ADAMTS9: variants seen among roughly 807,000 people sequenced by gnomAD.
ADAMTS9 encodes the protein A disintegrin and metalloproteinase with thrombospondin motifs 9.
ADAMTS9 carries 107 observed loss-of-function variants against 257.1 expected under a neutral mutation model. That is an observed-to-expected ratio of 0.42 (90% CI 0.36 to 0.49). The LOEUF (loss-of-function observed/expected upper bound fraction) is 0.49, where lower values mean the gene tolerates loss of function less well. ADAMTS9 is among the 20% of genes least tolerant of loss of function. The pLI is 0.03. For missense variants in ADAMTS9, 2,353 were observed against 2,469.1 expected (o/e 0.95, Z 1.00); for synonymous variants, 982 against 880.9 (o/e 1.11, Z -2.03).
intron 16 of ADAMTS9, among the ~76,000 whole-genome samples, chr3:64,624,254 G>T (rs1157215774): frequency 6.7e-6 from 1 of 148,428 alleles, no homozygotes; most frequent in Non-Finnish European, 1.5e-5. Flanking sequence ...AGAGAAAGAA[G>T]AAAGAAAGGA....
intron 20 of ADAMTS9, 74 bp downstream of exon 20, chr3:64,615,886 A>G: frequency 6.4e-7 from 1 of 1,560,990 alleles, no homozygotes; most frequent in Non-Finnish European, 8.8e-7. Context: ...AATGGGGCTT[A>G]CACACCTGCA....
At chr3:64,651,548 T>C (rs1700931829) in intron 8 of ADAMTS9, among the ~76,000 whole-genome samples, 1 of 152,174 alleles carries the variant, frequency 6.6e-6, no homozygotes, top group Non-Finnish European at 1.5e-5. Context: ...TGGCAGCTTA[T>C]GATAACGTGA....
intron 3 of ADAMTS9, among the ~76,000 whole-genome samples, chr3:64,668,555 A>G (rs1347153689): frequency 2.0e-5 from 3 of 152,174 alleles, no homozygotes; most frequent in Admixed American, 6.5e-5. Flanking sequence ...CTCATCTGTG[A>G]AAAGGGAATA....
rs527769848 is a variant in ADAMTS9, at chr3:64,594,322, C to T, written c.4292G>A (p.Arg1431His). The T allele has an allele frequency of 2.7e-5, 44 of 1,613,202 alleles. No individual in the cohort carries two copies. The highest frequency in any genetic ancestry group is 2.5e-4 in the South Asian group (23 of 91,036). ...ACAAGCATGTGTGTTACACTGCTCA[C>T]GATCGGGAGGTTTATCAAGAATTTC... ...SCEILDKPPD[R>H]EQCNTHACPH... The change falls in exon 28 of 40, where the codon CGT becomes CAT. Residue 1431 changes from arginine to histidine, a missense_variant. Physicochemically the swap from Arg to His is conservative, Grantham distance 29 (BLOSUM62 0). Around this residue, in one of 3 missense-constraint regions of ADAMTS9, gnomAD observed 1,402 missense variants for 1,441.4 expected, o/e 0.97. Transcript: ENST00000498707.
At position 64,533,241 on chromosome 3, in the gene ADAMTS9, G is replaced by T. The variant is rs774657324; in HGVS notation, c.5643C>A (p.Thr1881=). ...TGGCAGATTCAGTTAAAGACAAGCC[G>T]GTTCCATAAAGGTTGATGCTAAAAC... ...QGRFSINLYG[T]GLSLTESARW... Residue 1881 remains threonine, a synonymous_variant, in exon 38 of 40, where the codon ACC becomes ACA. Transcript: ENST00000498707. 2 of 1,614,024 alleles carry T rather than the reference G, an allele frequency of 1.2e-6. No homozygotes were observed. The highest frequency in any genetic ancestry group is 1.7e-6 in the Non-Finnish European group (2 of 1,179,974).
intron 28 of ADAMTS9, among the ~76,000 whole-genome samples, chr3:64,584,332 A>G (rs1013879608): frequency 3.9e-5 from 6 of 152,252 alleles, no homozygotes; most frequent in Admixed American, 6.5e-5. Context: ...CACCATTCTC[A>G]GAGGCCTTTC....
chr3:64,603,090 T>C (rs983300035), intron 25 of ADAMTS9, among the ~76,000 whole-genome samples: 1 of 152,204 alleles, frequency 6.6e-6, no homozygotes, highest in African/African-American at 2.4e-5. Flanking sequence ...GCTAAGCATT[T>C]GACGTACATA....
intron 30 of ADAMTS9, 165 bp downstream of exon 30, chr3:64,561,413 C>T: frequency 3.2e-6 from 2 of 633,860 alleles, no homozygotes; most frequent in East Asian, 6.2e-5. Flanking sequence ...GTTCTCCCAC[C>T]CTTGTTGGAG....
chr3:64,545,540 T>C (rs1180801170), intron 32 of ADAMTS9, among the ~76,000 whole-genome samples: 1 of 152,052 alleles, frequency 6.6e-6, no homozygotes, highest in Non-Finnish European at 1.5e-5. Flanking sequence ...TTCTCACTCA[T>C]AGGTGGGAAC....
intron 38 of ADAMTS9, among the ~76,000 whole-genome samples, chr3:64,531,926 G>T (rs901630245): frequency 3.3e-5 from 5 of 152,144 alleles, no homozygotes; most frequent in African/African-American, 1.2e-4. Flanking sequence ...TCTGCCCCAC[G>T]TTCTCAGGAC....
At chr3:64,658,095 T>C (rs985782561) in intron 4 of ADAMTS9, among the ~76,000 whole-genome samples, 4 of 152,042 alleles carry the variant, frequency 2.6e-5, no homozygotes, top group East Asian at 1.9e-4. Context: ...GCAAAAAGCA[T>C]TGGTTTTCGG....
Position 64,681,115 on chromosome 3 carries a change from A to T in ADAMTS9, c.679+86T>A. The T allele has an allele frequency of 2.7e-6, 4 of 1,454,554 alleles. No individual in the cohort carries two copies. The South Asian group carries it at 4.2e-5, about 15-fold the overall frequency. The allele number at this position is 1,454,554 out of a possible 1,614,324, so 90.1% of individuals were successfully genotyped here. Reference sequence around the variant, plus strand: ...AATAATGCATATGGTTGCACTTTGTAGACTGAAAGAGAGCTACATCTCTGT... The same window carrying T: ...AATAATGCATATGGTTGCACTTTGTTGACTGAAAGAGAGCTACATCTCTGT... On this transcript the variant is annotated intron_variant, in intron 3 of 39. Transcript: ENST00000498707.
intron 12 of ADAMTS9, among the ~76,000 whole-genome samples, chr3:64,641,182 T>G (rs1700627444): frequency 6.6e-6 from 1 of 152,050 alleles, no homozygotes; most frequent in South Asian, 2.1e-4. Flanking sequence ...ACAAACTGGA[T>G]GAAAATGTCC....
intron 25 of ADAMTS9, 142 bp downstream of exon 25, chr3:64,603,778 AGC>A: frequency 1.0e-6 from 1 of 965,402 alleles, no homozygotes; most frequent in Non-Finnish European, 1.6e-6. Flanking sequence ...ACATAAGTGG[AGC>A]AGCACAATTT....
In ADAMTS9 at chr3:64,570,387, G is replaced by C. The variant is rs1349925627; in HGVS notation, c.4357-1852C>G. 5.3e-5 allele frequency among the ~76,000 whole-genome samples: 8 copies of C among 152,156 alleles called. No individual in the cohort carries two copies. In the East Asian group the frequency reaches 1.5e-3, roughly 29 times the overall value. On this transcript the variant is annotated intron_variant, in intron 28 of 39. Transcript: ENST00000498707. ...CTCACTGAGGTACTTCCTGGGGTCA[G>C]GCAGCAAAGCTATGAGCTACAATTA...
At chr3:64,574,636 G>T (rs1352607012) in intron 28 of ADAMTS9, among the ~76,000 whole-genome samples, 1 of 151,772 alleles carries the variant, frequency 6.6e-6, no homozygotes, top group African/African-American at 2.4e-5. Flanking sequence ...GGGCAACTGA[G>T]TTAGGAGCAT....
chr3:64,541,853 G>A lies in ADAMTS9; in HGVS notation c.5182C>T (p.Arg1728Cys), dbSNP rs748458289. ...GCCAACTTACAGTTATAGACATTAC[G>A]GCAGGTTTTTCGTTCTTCTGGCTTC... The part of the protein sequence containing the change: ...DLKPEERKTC[R>C]NVYNCELPQN... Residue 1728 changes from arginine to cysteine, a missense_variant, in exon 33 of 40, where the codon CGT (arginine) becomes TGT (cysteine). By Grantham distance (180) the Arg-to-Cys change is radical. Around this residue, in one of 3 missense-constraint regions of ADAMTS9, gnomAD observed 1,402 missense variants for 1,441.4 expected, o/e 0.97. Coordinates refer to ENST00000498707, the MANE Select transcript of ADAMTS9 (RefSeq NM_182920.2). 2.0e-5 allele frequency: 33 copies of A among 1,614,022 alleles called. No homozygotes were observed. The highest frequency in any genetic ancestry group is 1.0e-4 in the Admixed American group (6 of 60,000).
chr3:64,613,944 A>G (rs60003225), intron 21 of ADAMTS9, among the ~76,000 whole-genome samples: 4,580 of 152,320 alleles, frequency 0.03, 219 homozygotes, highest in African/African-American at 0.1. Context: ...TGAAACAAAT[A>G]CAAGTAAAGC....
chr3:64,629,738 T>C (rs1700320655), intron 16 of ADAMTS9, among the ~76,000 whole-genome samples: 1 of 152,242 alleles, frequency 6.6e-6, no homozygotes, highest in East Asian at 1.9e-4. Flanking sequence ...TTTTTTTTTA[T>C]CTGTTTTGTT....
Sources: gnomAD v4.1 joint callset for allele counts (sites outside exome capture counted in the v4.1 genomes callset) on GRCh38, gnomAD v4.1.1 for gene constraint, gnomAD v4.1.1 regional missense constraint, MANE v1.5 for transcripts, NCBI Gene and HGNC (gene_info 2026-07-23, HGNC 2026-07-21) for gene names.